The following NLGN4X variants were observed in gnomAD, a reference collection of about 807,000 sequenced individuals.
The protein encoded by NLGN4X is neuroligin-4, X-linked.
A neutral mutation model predicts 40.3 loss-of-function variants in NLGN4X; 3 were observed. The observed-to-expected ratio is 0.07, with a 90% CI of 0.03 to 0.19. The LOEUF (loss-of-function observed/expected upper bound fraction) is 0.19. Ranked by LOEUF, NLGN4X falls within the 10% of genes least tolerant of loss-of-function variation. The pLI, the probability that NLGN4X is intolerant of heterozygous loss-of-function variation, is 1.00. For missense variants in NLGN4X, 382 were observed against 708.3 expected (o/e 0.54, Z 5.23); for synonymous variants, 270 against 306.8 (o/e 0.88, Z 1.25).
At chrX:6,210,897 A>G (rs1205841373) in intron 1 of NLGN4X, among the ~76,000 whole-genome samples, 1 of 112,510 alleles carries the variant, frequency 8.9e-6, no homozygotes, top group Non-Finnish European at 1.9e-5. Flanking sequence ...CAGAGGAACT[A>G]CTGTTGATAA....
chrX:5,895,646 A>T (rs1014439840), intron 5 of NLGN4X, among the ~76,000 whole-genome samples: 1 of 111,012 alleles, frequency 9.0e-6, no homozygotes, highest in African/African-American at 3.3e-5. Context: ...TAGATATTAG[A>T]TGTATAACAT....
At chrX:6,096,915 A>G (rs749192948) in intron 2 of NLGN4X, among the ~76,000 whole-genome samples, 161 of 108,569 alleles carry the variant, frequency 1.5e-3, no homozygotes, top group African/African-American at 5.3e-3. Flanking sequence ...GTTGCCAAGG[A>G]CATTGATGGT....
chrX:6,086,025 T>C (rs145466965), intron 2 of NLGN4X, among the ~76,000 whole-genome samples: 3,501 of 111,576 alleles, frequency 0.031, 117 homozygotes, highest in African/African-American at 0.095. Context: ...AGGGAGAAAA[T>C]CCATGTGAAC....
chrX:6,156,847 T>C (rs2040278199), intron 1 of NLGN4X, among the ~76,000 whole-genome samples: 1 of 107,557 alleles, frequency 9.3e-6, no homozygotes, highest in South Asian at 3.9e-4. Context: ...ATATATCCCA[T>C]GAATAAAAAA....
At chrX:6,039,899 G>A (rs145688496) in intron 2 of NLGN4X, among the ~76,000 whole-genome samples, 7 of 111,797 alleles carry the variant, frequency 6.3e-5, no homozygotes, top group East Asian at 5.6e-4. Context: ...GCAGTGCTGC[G>A]TATGGTTCTA....
chrX:5,942,519 T>C (rs886578562), intron 3 of NLGN4X, among the ~76,000 whole-genome samples: 5 of 110,277 alleles, frequency 4.5e-5, no homozygotes. Flanking sequence ...TCGTCTCTAC[T>C]AAAAATAGAA....
intron 3 of NLGN4X, among the ~76,000 whole-genome samples, chrX:6,005,713 A>G (rs2036086699): frequency 9.0e-6 from 1 of 111,225 alleles, no homozygotes; most frequent in Non-Finnish European, 1.9e-5. Flanking sequence ...GAAAACAATG[A>G]CCTCTGGTCC....
In NLGN4X at chrX:6,140,349, T is replaced by G. The variant is rs1465237454; in HGVS notation, c.472+10646A>C. Reference sequence around the variant, plus strand: ...GTTTCAGAGAGGAAGAGGATATAGTTTAGGTGTTGTAAAACTTGGCACTTC... The same window carrying G: ...GTTTCAGAGAGGAAGAGGATATAGTGTAGGTGTTGTAAAACTTGGCACTTC... On this transcript the variant is annotated intron_variant, in intron 2 of 5. Transcript: ENST00000381095. Among the ~76,000 whole-genome samples the G allele has an allele frequency of 2.7e-5, 3 of 109,874 alleles. 1 individual carries two copies. In the East Asian group the frequency reaches 8.6e-4, roughly 32 times the overall value.
At chrX:5,917,600 A>T (rs2032860452) in intron 3 of NLGN4X, among the ~76,000 whole-genome samples, 1 of 112,091 alleles carries the variant, frequency 8.9e-6, no homozygotes, top group Non-Finnish European at 1.9e-5. Flanking sequence ...GCCCTCCCAT[A>T]GCAAGCTGAG....
intron 2 of NLGN4X, among the ~76,000 whole-genome samples, chrX:6,114,207 TA>T (rs1236947002): frequency 3.6e-5 from 4 of 111,899 alleles, no homozygotes; most frequent in Non-Finnish European, 7.5e-5. Context: ...ATCATAGATT[TA>T]AATCCTCAGA....
chrX:6,175,756 GT>G (rs2040720210), intron 1 of NLGN4X, among the ~76,000 whole-genome samples: 2 of 107,772 alleles, frequency 1.9e-5, no homozygotes, highest in Non-Finnish European at 1.9e-5. Context: ...CTCTTTACAA[GT>G]TAATCTCTGT....
chrX:5,989,084 TA>T lies in NLGN4X; in HGVS notation c.625+40195del, dbSNP rs201183542. ...CTCTGTCTCAAAAAAATAAAAAAAATAAAAAAAATAAAAAAAAAAATAAAAA... is the reference window on the plus strand; with the variant it reads ...CTCTGTCTCAAAAAAATAAAAAAAATAAAAAAATAAAAAAAAAAATAAAAA... On this transcript the variant is annotated intron_variant, in intron 3 of 5. Coordinates refer to ENST00000381095, the MANE Select transcript of NLGN4X (RefSeq NM_181332.3). Among the ~76,000 whole-genome samples, 126 of 80,467 alleles carry T rather than the reference TA, an allele frequency of 1.6e-3. 1 individual carries two copies. Among genetic ancestry groups the T allele is most frequent in the African/African-American group, 6.1e-3 (123 of 20,007 alleles). The allele number at this position is 80,467 out of a possible 115,157, so 69.9% of individuals were successfully genotyped here.
rs754342901 is a variant in NLGN4X at position 6,151,296 on chromosome X, G to T, written c.171C>A (p.Gly57=). 2.9e-5 allele frequency: 35 copies of T among 1,211,813 alleles called. No homozygotes were observed. Among genetic ancestry groups the T allele is most frequent in the South Asian group, 2.3e-4 (13 of 56,985 alleles). Residue 57 remains glycine (G), a synonymous_variant, in exon 2 of 6, where the codon GGC becomes GGA. Coordinates refer to ENST00000381095, the MANE Select transcript of NLGN4X (RefSeq NM_181332.3). ...TCTCATTGGGTAACGGTGTTCTTAG[G>T]CCCCGGATTTTGCCATAATTTGTGT... ...VVNTNYGKIR[G]LRTPLPNEIL...
rs199947451 is a variant in NLGN4X, at chrX:6,123,751, G to GAA, written c.472+27242_472+27243dup. The stretch of plus-strand genomic sequence containing the variant: ...AAATTTGATGAATCCCAACTATAAG[G>GAA]AAAAAAAAACAGAAGAAAGAAAAAT... On this transcript the variant is annotated intron_variant, in intron 2 of 5. Transcript: ENST00000381095. Among the ~76,000 whole-genome samples the GAA allele has an allele frequency of 5.7e-5, 5 of 87,240 alleles. No homozygotes were observed. The Admixed American group carries it at 6.4e-4, about 11-fold the overall frequency. 75.8% of individuals were successfully genotyped at this position (87,240 alleles called of 115,157 possible).
intron 2 of NLGN4X, among the ~76,000 whole-genome samples, chrX:6,093,674 A>G (rs2038693454): frequency 8.9e-6 from 1 of 111,811 alleles, no homozygotes; most frequent in African/African-American, 3.2e-5. Flanking sequence ...TACAACCATA[A>G]TATCTGAAAT....
chrX:5,909,291 G>A (rs749937506), intron 3 of NLGN4X, 52 bp from the exon 4 acceptor site: 54 of 1,143,969 alleles, frequency 4.7e-5, no homozygotes, highest in Admixed American at 1.5e-4. Flanking sequence ...AAGTGCATAC[G>A]TGTCTCTGCT....
Position 5,891,192 on chromosome X carries a change from C to T in NLGN4X, c.*1625G>A, listed in dbSNP as rs1451045979. The T allele has an allele frequency of 8.7e-6, 2 of 229,428 alleles. No individual in the cohort carries two copies. Among genetic ancestry groups the T allele is most frequent in the African/African-American group, 6.0e-5 (2 of 33,466 alleles). The allele number at this position is 229,428 out of a possible 1,213,427, so 18.9% of individuals were successfully genotyped here. A position where few individuals can be genotyped will look rare whatever the true frequency, so the allele number is the denominator to read the frequency against. ...CTGTTGGAAAGACAAATCTCTGATC[C>T]CTAGGTCACCAATTTAAAATGGGTG... is the stretch of plus-strand genomic sequence containing the variant. On this transcript the variant is annotated 3_prime_UTR_variant, in exon 6 of 6. Coordinates refer to ENST00000381095, the MANE Select transcript of NLGN4X (RefSeq NM_181332.3).
intron 2 of NLGN4X, among the ~76,000 whole-genome samples, chrX:6,116,526 CTGCCTCAGCCCCCGCCTCCCA>C (rs1441473961): frequency 7.8e-5 from 7 of 89,957 alleles, no homozygotes; most frequent in African/African-American, 2.1e-4. Flanking sequence ...AGTGATTCTT[CTGCCTCAGCCCCCGCCTCCCA>C]GGTTCAAGTG....
chrX:5,978,284 CTTT>C (rs2035252478), intron 3 of NLGN4X, among the ~76,000 whole-genome samples: 4 of 7,767 alleles, frequency 5.1e-4, no homozygotes, highest in African/African-American at 4.2e-3. Flanking sequence ...TTCTTTCTTT[CTTT>C]CTTTCTTTCT....
Sources: gnomAD v4.1 joint callset for allele counts (sites outside exome capture counted in the v4.1 genomes callset) on GRCh38, gnomAD v4.1.1 for gene constraint, MANE v1.5 for transcripts, NCBI Gene and HGNC (gene_info 2026-07-23, HGNC 2026-07-21) for gene names.